NLGN1: variants seen among roughly 807,000 people sequenced by gnomAD.
NLGN1 encodes neuroligin 1.
A neutral mutation model predicts 65.5 loss-of-function variants in NLGN1; 12 were observed. That is an observed-to-expected ratio of 0.18 (90% CI 0.12 to 0.30). The LOEUF is 0.30. NLGN1 is among the 10% of genes least tolerant of loss of function. The pLI, the probability that NLGN1 is intolerant of heterozygous loss-of-function variation, is 1.00. For missense variants in NLGN1, 750 were observed against 1,007.1 expected, an observed-to-expected ratio of 0.74 and a Z score of 3.46; for synonymous variants, 350 against 359.5, an observed-to-expected ratio of 0.97 and a Z score of 0.30.
At chr3:173,728,937 G>A (rs74795822) in intron 3 of NLGN1, among the ~76,000 whole-genome samples, 77 of 152,074 alleles carry the variant, frequency 5.1e-4, no homozygotes, top group African/African-American at 1.8e-3. Flanking sequence ...TGTTCCTGTA[G>A]CCCTAGGAAA....
At position 173,691,724 on chromosome 3, in the gene NLGN1, G is replaced by A. The variant is rs147401629; in HGVS notation, c.493+86633G>A. Among the ~76,000 whole-genome samples the A allele has an allele frequency of 2.9e-4, 44 of 152,158 alleles. No individual in the cohort carries two copies. The East Asian group carries it at 6.2e-3, about 21-fold the overall frequency. ...TTTTTTCTGTCAGTGGTGTTATCTAGTTGGATTCTATATGATACTGACTGT... is the reference window on the plus strand; with the variant it reads ...TTTTTTCTGTCAGTGGTGTTATCTAATTGGATTCTATATGATACTGACTGT... On this transcript the variant is annotated intron_variant, in intron 3 of 6. Transcript: ENST00000457714.
chr3:173,749,640 G>A (rs1776037420), intron 3 of NLGN1, among the ~76,000 whole-genome samples: 1 of 151,368 alleles, frequency 6.6e-6, no homozygotes, highest in Non-Finnish European at 1.5e-5. Flanking sequence ...TCCACATGTA[G>A]AAATCATTTC....
intron 3 of NLGN1, among the ~76,000 whole-genome samples, chr3:173,712,330 G>T (rs1215258078): frequency 1.3e-5 from 2 of 152,020 alleles, no homozygotes; most frequent in African/African-American, 2.4e-5. Flanking sequence ...AATAGAAAGG[G>T]GATTTAAATC....
intron 4 of NLGN1, among the ~76,000 whole-genome samples, chr3:174,143,312 G>A (rs576427761): frequency 6.6e-6 from 1 of 152,312 alleles, no homozygotes; most frequent in African/African-American, 2.4e-5. Context: ...TGAAGCCACT[G>A]TTAGCCACAG....
At chr3:174,247,147 A>G (rs958480802) in intron 4 of NLGN1, among the ~76,000 whole-genome samples, 2 of 152,208 alleles carry the variant, frequency 1.3e-5, no homozygotes, top group Admixed American at 6.5e-5. Flanking sequence ...CACAATGCCA[A>G]TAACATTTTT....
chr3:173,605,113 C>T (rs1751168414), intron 3 of NLGN1, 22 bp downstream of exon 2: 2 of 1,553,326 alleles, frequency 1.3e-6, no homozygotes, highest in Non-Finnish European at 1.7e-6. Flanking sequence ...GCAGGAAAAA[C>T]AGGGAGATAT....
intron 4 of NLGN1, among the ~76,000 whole-genome samples, chr3:173,938,923 G>A (rs1745508069): frequency 6.6e-6 from 1 of 152,122 alleles, no homozygotes. Context: ...CTGAGTCAGA[G>A]ATATAATTTG....
Position 173,686,563 on chromosome 3 carries a change from G to A in NLGN1, c.493+81472G>A, listed in dbSNP as rs577278634. Among the ~76,000 whole-genome samples the A allele has an allele frequency of 5.5e-4, 84 of 152,148 alleles. 1 individual carries two copies. In the South Asian group the frequency reaches 0.017, roughly 31 times the overall value. ...ATTTTATTGTCATTACTATGTAAAT[G>A]TTTCCCAGCTTCTAATCATAGGCAT... On this transcript the variant is annotated intron_variant, in intron 3 of 6. Transcript: ENST00000457714.
At chr3:174,211,187 G>A (rs566629246) in intron 4 of NLGN1, among the ~76,000 whole-genome samples, 24 of 152,300 alleles carry the variant, frequency 1.6e-4, no homozygotes, top group African/African-American at 4.3e-4. Context: ...TGCAAAGAGC[G>A]AAAGAACAAA....
intron 3 of NLGN1, among the ~76,000 whole-genome samples, chr3:173,651,946 C>A (rs6771209): frequency 0.19 from 29,146 of 151,964 alleles, 2,992 homozygotes; most frequent in African/African-American, 0.26. Context: ...GCACACACCA[C>A]CATGCCCAGC....
At chr3:173,988,055 A>T (rs999441068) in intron 4 of NLGN1, among the ~76,000 whole-genome samples, 2 of 152,192 alleles carry the variant, frequency 1.3e-5, no homozygotes, top group African/African-American at 4.8e-5. Context: ...TATCACCCAA[A>T]ATAAAAAGAT....
intron 3 of NLGN1, among the ~76,000 whole-genome samples, chr3:173,637,268 G>A (rs933989557): frequency 6.6e-6 from 1 of 152,028 alleles, no homozygotes; most frequent in Non-Finnish European, 1.5e-5. Flanking sequence ...AATATCTTTG[G>A]AAATATGTGG....
intron 3 of NLGN1, among the ~76,000 whole-genome samples, chr3:173,733,179 G>T (rs748923453): frequency 3.3e-5 from 5 of 152,088 alleles, no homozygotes; most frequent in Non-Finnish European, 7.4e-5. Flanking sequence ...TGTCTTCTTG[G>T]CTGATTGGAG....
intron 4 of NLGN1, among the ~76,000 whole-genome samples, chr3:174,109,564 T>A (rs1282648770): frequency 6.6e-6 from 1 of 152,092 alleles, no homozygotes; most frequent in Non-Finnish European, 1.5e-5. Flanking sequence ...TTTTCTCTTT[T>A]TCATATAATA....
At chr3:173,561,868 A>C (rs972079058) in intron 2 of NLGN1, among the ~76,000 whole-genome samples, 8 of 152,230 alleles carry the variant, frequency 5.3e-5, no homozygotes, top group Non-Finnish European at 1.2e-4. Context: ...GCACATTAAC[A>C]GGTATAGTAC....
intron 3 of NLGN1, among the ~76,000 whole-genome samples, chr3:173,795,539 T>C (rs1166760563): frequency 6.6e-6 from 1 of 152,192 alleles, no homozygotes; most frequent in African/African-American, 2.4e-5. Context: ...GTATTCATTT[T>C]AGTTATATAA....
chr3:173,829,558 GTGTGTGTGTGTGTT>G (rs951655508), intron 4 of NLGN1, among the ~76,000 whole-genome samples: 34 of 143,782 alleles, frequency 2.4e-4, no homozygotes, highest in African/African-American at 8.8e-4. Flanking sequence ...GTGTGCGTGT[GTGTGTGTGTGTGTT>G]TGTGTGTGTG....
At chr3:173,887,936 T>A (rs1734662459) in intron 4 of NLGN1, among the ~76,000 whole-genome samples, 1 of 152,014 alleles carries the variant, frequency 6.6e-6, no homozygotes. Flanking sequence ...GAAATAAAAT[T>A]ATAAACTTTA....
chr3:174,235,732 T>C (rs533386553), intron 4 of NLGN1, among the ~76,000 whole-genome samples: 9 of 152,314 alleles, frequency 5.9e-5, no homozygotes, highest in East Asian at 5.8e-4. Context: ...TTCTGTGTTA[T>C]AGATTTAGTA....
Sources: gnomAD v4.1 joint callset for allele counts (sites outside exome capture counted in the v4.1 genomes callset) on GRCh38, gnomAD v4.1.1 for gene constraint, MANE v1.5 for transcripts, NCBI Gene and HGNC (gene_info 2026-07-23, HGNC 2026-07-21) for gene names.